The following PALM2AKAP2 variants were observed in gnomAD, a reference collection of about 807,000 sequenced individuals.
PALM2AKAP2 encodes PALM2 and AKAP2 fusion.
Under a neutral mutation model 71.5 loss-of-function variants are expected in PALM2AKAP2, and 37 were observed. The ratio of observed to expected loss-of-function variants is 0.52; its 90% CI spans 0.40 to 0.68. PALM2AKAP2 has a LOEUF of 0.68. Among genes scored for constraint, PALM2AKAP2 ranks in the 30% least tolerant of loss-of-function variants. The probability of loss-of-function intolerance (pLI) is 0.00; values close to 1 mark genes in which losing one functional copy is unlikely to be tolerated. For synonymous variants in PALM2AKAP2, 468 were observed against 478.8 expected (o/e 0.98, Z 0.29); for missense variants, 1,224 against 1,191.8 (o/e 1.03, Z -0.40).
intron 1 of PALM2AKAP2, among the ~76,000 whole-genome samples, chr9:109,674,276 T>C (rs1258531898): frequency 6.6e-6 from 1 of 152,050 alleles, no homozygotes; most frequent in Non-Finnish European, 1.5e-5. Flanking sequence ...AATATAGGTA[T>C]TCTAAAGTCC....
intron 1 of PALM2AKAP2, among the ~76,000 whole-genome samples, chr9:110,118,776 A>G (rs1275114080): frequency 6.6e-6 from 1 of 152,200 alleles, no homozygotes; most frequent in Non-Finnish European, 1.5e-5. Context: ...TCCCTTCCCC[A>G]TTCCAGAGAA....
chr9:109,912,525 A>G (rs1417038730), intron 3 of PALM2AKAP2, among the ~76,000 whole-genome samples: 1 of 152,258 alleles, frequency 6.6e-6, no homozygotes, highest in African/African-American at 2.4e-5. Context: ...GTCACAAAGG[A>G]TAAATATTTG....
intron 7 of PALM2AKAP2, among the ~76,000 whole-genome samples, chr9:110,029,788 A>G (rs1588067159): frequency 6.6e-6 from 1 of 152,192 alleles, no homozygotes; most frequent in Non-Finnish European, 1.5e-5. Flanking sequence ...CCTGGTTCCC[A>G]TTTAGGCAGG....
intron 1 of PALM2AKAP2, among the ~76,000 whole-genome samples, chr9:109,758,563 G>A (rs1829002457): frequency 6.6e-6 from 1 of 150,974 alleles, no homozygotes; most frequent in South Asian, 2.1e-4. Flanking sequence ...TCAATGTAAA[G>A]ACAAATATTT....
chr9:110,138,367 G>T, exon 2 of PALM2AKAP2: 1 of 1,614,244 alleles, frequency 6.2e-7, no homozygotes, highest in South Asian at 1.1e-5. Context: ...GGCCTTTCAA[G>T]CTGAGGTCCA....
intron 1 of PALM2AKAP2, among the ~76,000 whole-genome samples, chr9:109,736,584 T>C (rs939042028): frequency 7.2e-5 from 11 of 152,156 alleles, no homozygotes; most frequent in Non-Finnish European, 1.3e-4. Context: ...TATTTTTATA[T>C]ATTTTAAAAT....
At chr9:109,648,594 G>C (rs185531019) in intron 1 of PALM2AKAP2, among the ~76,000 whole-genome samples, 1 of 152,262 alleles carries the variant, frequency 6.6e-6, no homozygotes, top group Admixed American at 6.5e-5. Context: ...GTGTCATCAG[G>C]GAACAGGTTT....
At position 110,155,835 on chromosome 9, in the gene PALM2AKAP2, T is replaced by A. The variant is rs534568236; in HGVS notation, c.2570-484T>A. 1.1e-3 allele frequency among the ~76,000 whole-genome samples: 170 copies of A among 152,354 alleles called. 1 individual carries two copies. The highest frequency in any genetic ancestry group is 3.9e-3 in the African/African-American group (161 of 41,584). On this transcript the variant is annotated intron_variant, in intron 2 of 3. Coordinates refer to ENST00000374525, the Ensembl canonical transcript of PALM2AKAP2. Reference sequence around the variant, plus strand: ...AGCAGACAATTGACTTCCTCTGCTATAGAGGATAGACCCTGGTGAGGAAAG... The same window carrying A: ...AGCAGACAATTGACTTCCTCTGCTAAAGAGGATAGACCCTGGTGAGGAAAG...
intron 1 of PALM2AKAP2, among the ~76,000 whole-genome samples, chr9:109,647,172 T>C (rs987194145): frequency 1.3e-5 from 2 of 152,212 alleles, no homozygotes; most frequent in African/African-American, 4.8e-5. Context: ...ATACCACATA[T>C]GTTGTTCTGC....
At chr9:109,837,719 G>A (rs1387924803) in intron 1 of PALM2AKAP2, among the ~76,000 whole-genome samples, 3 of 151,998 alleles carry the variant, frequency 2.0e-5, no homozygotes, top group African/African-American at 7.3e-5. Flanking sequence ...AAAAGGCAGG[G>A]GTTGCAATCC....
At chr9:109,856,307 G>A (rs545724182) in intron 1 of PALM2AKAP2, among the ~76,000 whole-genome samples, 7 of 152,204 alleles carry the variant, frequency 4.6e-5, no homozygotes, top group Non-Finnish European at 8.8e-5. Context: ...TTATCTATTA[G>A]CAGCAGACTG....
chr9:109,759,647 C>T (rs912052970), intron 1 of PALM2AKAP2, among the ~76,000 whole-genome samples: 4 of 152,076 alleles, frequency 2.6e-5, no homozygotes, highest in African/African-American at 9.7e-5. Context: ...CTTTTAGGCC[C>T]ATTTTAAATG....
intron 6 of PALM2AKAP2, among the ~76,000 whole-genome samples, chr9:110,007,298 G>A (rs534381380): frequency 6.6e-6 from 1 of 152,100 alleles, no homozygotes; most frequent in Admixed American, 6.6e-5. Flanking sequence ...GTTGTTTAAT[G>A]CCCCATTAAA....
intron 6 of PALM2AKAP2, among the ~76,000 whole-genome samples, chr9:109,934,971 C>T (rs1406823292): frequency 6.6e-6 from 1 of 152,188 alleles, no homozygotes; most frequent in Non-Finnish European, 1.5e-5. Context: ...GATTGTCTCT[C>T]AAGAATGTTG....
chr9:110,097,179 G>A lies in PALM2AKAP2; in HGVS notation c.157-38948G>A, dbSNP rs866054494. Among the ~76,000 whole-genome samples the A allele has an allele frequency of 1.6e-4, 24 of 150,850 alleles. No individual in the cohort carries two copies. In the East Asian group the frequency reaches 2.5e-3, roughly 16 times the overall value. The stretch of plus-strand genomic sequence containing the variant: ...CTTAACCAGCATGCTGCCTTCAAGC[G>A]TCTGTTTAACAAAGCACATCTTGCA... On this transcript the variant is annotated intron_variant, in intron 1 of 3. Coordinates refer to ENST00000374525, the Ensembl canonical transcript of PALM2AKAP2.
exon 2 of PALM2AKAP2, chr9:110,137,420 G>C: frequency 6.2e-7 from 1 of 1,614,150 alleles, no homozygotes; most frequent in Admixed American, 1.7e-5. Flanking sequence ...GAAATCCCCC[G>C]GTGCCCTGGA....
At chr9:109,928,731 G>A (rs147832942) in intron 5 of PALM2AKAP2, among the ~76,000 whole-genome samples, 242 of 151,122 alleles carry the variant, frequency 1.6e-3, no homozygotes, top group African/African-American at 5.5e-3. Flanking sequence ...GAGTGCAGTG[G>A]CGTGGTCTCA....
intron 1 of PALM2AKAP2, among the ~76,000 whole-genome samples, chr9:109,833,564 G>A (rs946390694): frequency 1.3e-5 from 2 of 152,060 alleles, no homozygotes. Context: ...TGGTCTGTGG[G>A]CTCACCTAGT....
chr9:109,927,970 T>G (rs1332492840), intron 5 of PALM2AKAP2, among the ~76,000 whole-genome samples: 1 of 152,226 alleles, frequency 6.6e-6, no homozygotes, highest in Non-Finnish European at 1.5e-5. Flanking sequence ...GTCCTTGGTG[T>G]ATGATATGGA....
Sources: allele counts gnomAD v4.1 joint callset (sites outside exome capture counted in the v4.1 genomes callset), GRCh38; gene constraint gnomAD v4.1.1; transcripts MANE v1.5; gene names NCBI Gene and HGNC (gene_info 2026-07-23, HGNC 2026-07-21).